The following FRY variants were observed in gnomAD, a reference collection of about 807,000 sequenced individuals.
FRY encodes protein furry homolog.
FRY carries 128 observed loss-of-function variants against 348.4 expected under a neutral mutation model. The observed-to-expected ratio is 0.37, with a 90% confidence interval of 0.32 to 0.43. FRY has a LOEUF of 0.43. Ranked by LOEUF, FRY falls within the 20% of genes least tolerant of loss-of-function variation. FRY has a pLI of 1.00. For synonymous variants in FRY, 1,370 were observed against 1,374.7 expected (o/e 1.00, Z 0.08); for missense variants, 2,736 against 3,695.2 (o/e 0.74, Z 6.73).
intron 58 of FRY, among the ~76,000 whole-genome samples, chr13:32,281,938 G>T (rs1018035249): frequency 6.6e-6 from 1 of 152,142 alleles, no homozygotes; most frequent in African/African-American, 2.4e-5. Flanking sequence ...CAGCCTTGAG[G>T]CATGGCTAGG....
In FRY at chr13:32,237,760, A is replaced by G. The variant is rs376861188; in HGVS notation, c.6192A>G (p.Leu2064=). Residue 2064 remains leucine (L), a synonymous_variant, in exon 44 of 61, where the codon TTA becomes TTG. Coordinates refer to ENST00000542859, the MANE Select transcript of FRY (RefSeq NM_023037.3). This position sits in a 1 kb window ranked among gnomAD's most constrained non-coding sequence, Gnocchi z 6.3. ...TTGAGTTTGAATACTTAATGGCCTT[A>G]AGGCTGTTGAGCAGACTACTGGCAC... ...SDFEFEYLMA[L]RLLSRLLAHM... 9.9e-6 allele frequency: 16 copies of G among 1,614,078 alleles called. No homozygotes were observed. The South Asian group carries it at 1.6e-4, about 17-fold the overall frequency.
intron 56 of FRY, 101 bp downstream of exon 56, chr13:32,275,092 C>A: frequency 1.8e-6 from 2 of 1,118,698 alleles, no homozygotes; most frequent in South Asian, 1.3e-5. Flanking sequence ...TTAAAGATAC[C>A]TTCTGGCCGG....
intron 3 of FRY, among the ~76,000 whole-genome samples, chr13:32,115,807 T>C (rs1016069729): frequency 1.3e-5 from 2 of 152,054 alleles, no homozygotes; most frequent in African/African-American, 4.8e-5. Flanking sequence ...TCTAGTGATC[T>C]GACCTAAGAA....
At chr13:32,072,487 C>A (rs10219984) in intron 1 of FRY, among the ~76,000 whole-genome samples, 3,650 of 152,102 alleles carry the variant, frequency 0.024, 148 homozygotes, top group African/African-American at 0.085. Context: ...GAAAATAATT[C>A]TTTCTGTCTT....
At chr13:32,119,368 A>T (rs1878508938) in intron 4 of FRY, among the ~76,000 whole-genome samples, 2 of 152,232 alleles carry the variant, frequency 1.3e-5, no homozygotes, top group Admixed American at 1.3e-4. Context: ...CTGCCAAATA[A>T]ATCTGTCAAA....
At chr13:32,218,903 T>C (rs1383020958) in intron 36 of FRY, 72 bp downstream of exon 36, 1 of 855,136 alleles carries the variant, frequency 1.2e-6, no homozygotes, top group Non-Finnish European at 2.0e-6. Flanking sequence ...AGTGTTCTGA[T>C]TGTTCTTGGT....
Position 32,147,516 on chromosome 13 carries a change from A to G in FRY, c.1283+131A>G, listed in dbSNP as rs28593420. 8.7e-4 allele frequency: 622 copies of G among 711,814 alleles called. 3 individuals are homozygous for G. The African/African-American group carries it at 9.9e-3, about 11-fold the overall frequency. 44.1% of individuals were successfully genotyped at this position (711,814 alleles called of 1,614,324 possible). A position where few individuals can be genotyped will look rare whatever the true frequency, so the allele number is the denominator to read the frequency against. The stretch of plus-strand genomic sequence containing the variant: ...ACAGTTTCTAAAAGATCTAAGTCCT[A>G]AGGAACATTTTCAGGCTTTCCATAG... On this transcript the variant is annotated intron_variant, in intron 12 of 60. Coordinates refer to ENST00000542859, the MANE Select transcript of FRY (RefSeq NM_023037.3).
rs1236120102 is a variant in FRY at position 32,298,626 on chromosome 13, G to C, written c.*3166G>C. 6.6e-6 allele frequency: 1 copy of C among 152,228 alleles called. No homozygotes were observed. Among genetic ancestry groups the C allele is most frequent in the Non-Finnish European group, 1.5e-5 (1 of 68,044 alleles). The allele number at this position is 152,228 out of a possible 1,614,324, so 9.4% of individuals were successfully genotyped here. A position where few individuals can be genotyped will look rare whatever the true frequency, so the allele number is the denominator to read the frequency against. ...CCATGAAGAACAAAACGGATACAGTGAGTAATGTGGACAGGGCTATCTTAG... is the reference window on the plus strand; with the variant it reads ...CCATGAAGAACAAAACGGATACAGTCAGTAATGTGGACAGGGCTATCTTAG... On this transcript the variant is annotated 3_prime_UTR_variant, in exon 61 of 61. Coordinates refer to ENST00000542859, the MANE Select transcript of FRY (RefSeq NM_023037.3).
intron 11 of FRY, 49 bp downstream of exon 11, chr13:32,137,021 GT>G: frequency 9.7e-7 from 1 of 1,028,800 alleles, no homozygotes; most frequent in Non-Finnish European, 1.5e-6. Flanking sequence ...ATTTACAGTA[GT>G]TTTTAGGCTG....
At position 32,249,598 on chromosome 13, in the gene FRY, G is replaced by T; in HGVS notation, c.7081G>T (p.Ala2361Ser). ...GCGTGATGGGAAGCCCAGGGCCATG[G>T]CCGTCACCCGGAGCACATCTTCCAC... is the stretch of plus-strand genomic sequence containing the variant. ...SGRDGKPRAM[A>S]VTRSTSSTSS... Residue 2361 changes from alanine (A) to serine (S), a missense_variant, in exon 49 of 61, where the codon GCC becomes TCC. Coordinates refer to ENST00000542859, the MANE Select transcript of FRY (RefSeq NM_023037.3). 1 of 1,614,190 alleles carries T rather than the reference G, an allele frequency of 6.2e-7. No homozygotes were observed.
intron 43 of FRY, 138 bp downstream of exon 43, chr13:32,236,310 ACTTT>A (rs2138450749): frequency 1.5e-6 from 1 of 662,480 alleles, no homozygotes; most frequent in African/African-American, 1.8e-5. Context: ...TATGTGTAAT[ACTTT>A]CTTAAGTTAA....
chr13:32,144,624 T>C (rs1287927970), intron 11 of FRY, among the ~76,000 whole-genome samples: 2 of 152,068 alleles, frequency 1.3e-5, no homozygotes, highest in African/African-American at 4.8e-5. Flanking sequence ...CTAAATTATC[T>C]ACACTAAGAA....
chr13:32,251,247 T>C (rs1229163375), intron 49 of FRY, among the ~76,000 whole-genome samples: 3 of 152,216 alleles, frequency 2.0e-5, no homozygotes, highest in African/African-American at 7.2e-5. Context: ...ATCCCTATGG[T>C]CAAGGGGCTG....
At chr13:32,153,447 A>G (rs1880922892) in intron 14 of FRY, among the ~76,000 whole-genome samples, 1 of 152,228 alleles carries the variant, frequency 6.6e-6, no homozygotes, top group African/African-American at 2.4e-5. Context: ...AAGTCTATGT[A>G]CTATTTGATT....
At chr13:32,175,028 C>T (rs1309623642) in intron 19 of FRY, among the ~76,000 whole-genome samples, 2 of 152,076 alleles carry the variant, frequency 1.3e-5, no homozygotes, top group Admixed American at 1.3e-4. Flanking sequence ...TTCCAATTTG[C>T]ATCTTGTATC....
intron 1 of FRY, among the ~76,000 whole-genome samples, chr13:32,062,435 G>A (rs1490370602): frequency 6.6e-6 from 1 of 152,014 alleles, no homozygotes; most frequent in Non-Finnish European, 1.5e-5. Flanking sequence ...AGTTTATAGT[G>A]AAGTTAACTT....
chr13:32,097,362 CTTT>C (rs34054013), intron 2 of FRY, among the ~76,000 whole-genome samples: 2 of 126,484 alleles, frequency 1.6e-5, no homozygotes, highest in Non-Finnish European at 1.6e-5. Flanking sequence ...CCTTTTTTTC[CTTT>C]TTTTTTTTTT....
intron 20 of FRY, 74 bp from the exon 21 acceptor site, chr13:32,178,103 G>A (rs1882479511): frequency 2.6e-6 from 4 of 1,522,706 alleles, no homozygotes; most frequent in Non-Finnish European, 3.6e-6. Flanking sequence ...AGAATGAGTA[G>A]TCAGGCTGAG....
At chr13:32,197,739 C>A (rs1883760311) in intron 29 of FRY, among the ~76,000 whole-genome samples, 1 of 152,216 alleles carries the variant, frequency 6.6e-6, no homozygotes, top group African/African-American at 2.4e-5. Context: ...CCAGTAAAAT[C>A]TTTCTCTTCA....
Sources: allele counts gnomAD v4.1 joint callset (sites outside exome capture counted in the v4.1 genomes callset), GRCh38; gene constraint gnomAD v4.1.1; non-coding constraint Gnocchi (gnomAD v3.1); transcripts MANE v1.5; gene names NCBI Gene and HGNC (gene_info 2026-07-23, HGNC 2026-07-21).